The following PCDH7 variants were observed in gnomAD, a reference collection of about 807,000 sequenced individuals.
PCDH7 encodes the protein protocadherin-7.
PCDH7 carries 17 observed loss-of-function variants against 58.9 expected under a neutral mutation model. That is an observed-to-expected ratio of 0.29 (90% CI 0.20 to 0.43). The LOEUF is 0.43. Ranked by LOEUF, PCDH7 falls within the 20% of genes least tolerant of loss-of-function variation. The pLI, the probability that PCDH7 is intolerant of heterozygous loss-of-function variation, is 1.00. For synonymous variants in PCDH7, 664 were observed against 616.4 expected (o/e 1.08, Z -1.14); for missense variants, 1,274 against 1,441.0 (o/e 0.88, Z 1.88).
At chr4:31,094,971 G>T (rs757950304) in intron 3 of PCDH7, among the ~76,000 whole-genome samples, 11 of 151,980 alleles carry the variant, frequency 7.2e-5, no homozygotes, top group Non-Finnish European at 1.6e-4. Flanking sequence ...GGCCCAACTG[G>T]TAATCTTTTT....
chr4:30,943,593 T>C (rs1363520253), intron 2 of PCDH7, among the ~76,000 whole-genome samples: 2 of 152,166 alleles, frequency 1.3e-5, no homozygotes, highest in African/African-American at 2.4e-5. Context: ...CTCTTTCGCC[T>C]GCATCTCTTC....
intron 3 of PCDH7, among the ~76,000 whole-genome samples, chr4:31,141,033 C>T (rs915025737): frequency 1.3e-4 from 20 of 152,184 alleles, no homozygotes; most frequent in Non-Finnish European, 2.6e-4. Context: ...AATGTCAATA[C>T]TTCAGTTACC....
At chr4:31,137,647 A>G (rs1240442618) in intron 3 of PCDH7, among the ~76,000 whole-genome samples, 1 of 152,148 alleles carries the variant, frequency 6.6e-6, no homozygotes, top group East Asian at 1.9e-4. Flanking sequence ...TTTTTTGCAG[A>G]TTTTGTCAAG....
At chr4:30,755,190 T>C (rs558374356) in intron 1 of PCDH7, among the ~76,000 whole-genome samples, 1 of 152,284 alleles carries the variant, frequency 6.6e-6, no homozygotes, top group African/African-American at 2.4e-5. Context: ...ATAATATTAA[T>C]AGGGGCATAA....
intron 1 of PCDH7, among the ~76,000 whole-genome samples, chr4:30,802,328 C>A (rs1202920282): frequency 1.3e-5 from 2 of 151,712 alleles, no homozygotes; most frequent in Non-Finnish European, 2.9e-5. Context: ...TTTTATGGAG[C>A]CAATTTTAAG....
At chr4:31,075,140 T>A (rs191357929) in intron 3 of PCDH7, among the ~76,000 whole-genome samples, 1 of 151,910 alleles carries the variant, frequency 6.6e-6, no homozygotes, top group Admixed American at 6.6e-5. Flanking sequence ...CTTTGTAACA[T>A]GTTGCCTTCA....
intron 3 of PCDH7, among the ~76,000 whole-genome samples, chr4:31,022,628 C>G (rs541460486): frequency 1.3e-5 from 2 of 152,252 alleles, no homozygotes; most frequent in African/African-American, 4.8e-5. Context: ...TATTTATCAT[C>G]AGGAGAGGTG....
At chr4:30,847,459 G>A (rs1732132827) in intron 1 of PCDH7, among the ~76,000 whole-genome samples, 1 of 152,114 alleles carries the variant, frequency 6.6e-6, no homozygotes, top group African/African-American at 2.4e-5. Flanking sequence ...AGGAACTGTT[G>A]CCCACATCCA....
chr4:30,992,146 A>G (rs1480676048), intron 3 of PCDH7, among the ~76,000 whole-genome samples: 1 of 152,242 alleles, frequency 6.6e-6, no homozygotes, highest in East Asian at 1.9e-4. Context: ...TAAATGAACT[A>G]GTAATATAAA....
At chr4:30,859,117 A>G (rs1733861891) in intron 1 of PCDH7, among the ~76,000 whole-genome samples, 1 of 152,058 alleles carries the variant, frequency 6.6e-6, no homozygotes, top group African/African-American at 2.4e-5. Context: ...TTATTGTTGT[A>G]GTGAAGTTGT....
At chr4:30,966,425 T>A (rs185198915) in intron 3 of PCDH7, among the ~76,000 whole-genome samples, 1,608 of 152,268 alleles carry the variant, frequency 0.011, 12 homozygotes, top group Non-Finnish European at 0.016. Context: ...TGTGACAAGA[T>A]TTACTATCCA....
At chr4:30,989,746 G>C (rs1025770201) in intron 3 of PCDH7, among the ~76,000 whole-genome samples, 3 of 152,040 alleles carry the variant, frequency 2.0e-5, no homozygotes, top group Non-Finnish European at 4.4e-5. Flanking sequence ...TTGAATAGGG[G>C]TTATGTTGTA....
chr4:30,995,176 T>C (rs1751777641), intron 3 of PCDH7, among the ~76,000 whole-genome samples: 1 of 152,068 alleles, frequency 6.6e-6, no homozygotes, highest in Non-Finnish European at 1.5e-5. Context: ...CTTCTATTGG[T>C]CGACATTGGT....
In PCDH7 at chr4:30,861,118, TG is replaced by T. The variant is rs571933217; in HGVS notation, c.71-59034del. Among the ~76,000 whole-genome samples the T allele has an allele frequency of 1.8e-4, 27 of 152,322 alleles. No homozygotes were observed. In the East Asian group the frequency reaches 4.1e-3, roughly 23 times the overall value. Reference sequence around the variant, plus strand: ...GCGCAAGAGAGAAATGTTCTTGGGTTGTTTGCTGAATCAGCTGTATTACATG... The same window carrying T: ...GCGCAAGAGAGAAATGTTCTTGGGTTTTTGCTGAATCAGCTGTATTACATG... On this transcript the variant is annotated intron_variant, in intron 1 of 3. Coordinates refer to the PCDH7 transcript ENST00000509759.
chr4:31,143,001 G>GCC, downstream of PCDH7: 1 of 431,416 alleles, frequency 2.3e-6, no homozygotes, highest in Non-Finnish European at 4.1e-6. Flanking sequence ...CAGGCCTTTA[G>GCC]TGATACTGTT....
intron 1 of PCDH7, among the ~76,000 whole-genome samples, chr4:30,852,829 GAAAAAAAAAAAAA>G (rs58210433): frequency 1.3e-5 from 1 of 74,614 alleles, no homozygotes; most frequent in East Asian, 4.6e-4. Context: ...TCAAGCACAG[GAAAAAAAAAAAAA>G]AAAAAAAAAA....
chr4:31,100,759 G>A (rs1021413458), intron 3 of PCDH7, among the ~76,000 whole-genome samples: 2 of 152,130 alleles, frequency 1.3e-5, no homozygotes, highest in African/African-American at 2.4e-5. Context: ...GATGAGTCAG[G>A]GAAAGAGAAC....
chr4:30,955,695 T>C (rs1747789129), intron 3 of PCDH7, among the ~76,000 whole-genome samples: 1 of 151,506 alleles, frequency 6.6e-6, no homozygotes, highest in South Asian at 2.1e-4. Flanking sequence ...ATTACAGGCA[T>C]TTACCACCAC....
chr4:30,945,963 A>G (rs925351108), intron 2 of PCDH7, among the ~76,000 whole-genome samples: 2 of 152,094 alleles, frequency 1.3e-5, no homozygotes, highest in Non-Finnish European at 2.9e-5. Context: ...TTTGACGATT[A>G]TTCAGCCACT....
Sources: allele counts gnomAD v4.1 joint callset (sites outside exome capture counted in the v4.1 genomes callset), GRCh38; gene constraint gnomAD v4.1.1; transcripts MANE v1.5; gene names NCBI Gene and HGNC (gene_info 2026-07-23, HGNC 2026-07-21).